The following EVC2 variants were observed in gnomAD, a reference collection of about 807,000 sequenced individuals.
EVC2 encodes limbin.
A neutral mutation model predicts 149.3 loss-of-function variants in EVC2; 148 were observed. That is an observed-to-expected ratio of 0.99 (90% CI 0.87 to 1.14). The LOEUF (loss-of-function observed/expected upper bound fraction) is 1.14, where lower values mean the gene tolerates loss of function less well. Ranked by LOEUF, EVC2 falls within the 50% of genes most tolerant of loss-of-function variation. The pLI is 0.00. For synonymous variants in EVC2, 776 were observed against 649.9 expected, an observed-to-expected ratio of 1.19 and a Z score of -2.95; for missense variants, 1,854 against 1,627.3, an observed-to-expected ratio of 1.14 and a Z score of -2.40.
chr4:5,576,273 T>C lies in EVC2; in HGVS notation c.3239A>G (p.Lys1080Arg). 1 of 1,614,176 alleles carries C rather than the reference T, an allele frequency of 6.2e-7. No homozygotes were observed. The highest frequency in any genetic ancestry group is 1.1e-5 in the South Asian group (1 of 91,088). Residue 1080 changes from lysine to arginine, a missense_variant, in exon 18 of 22, where the codon AAG (lysine) becomes AGG (arginine). Transcript: ENST00000344408. The surrounding 1 kb of genome is among the most constrained non-coding windows in gnomAD (Gnocchi z 4.5). ...VSTVLHQALS[K>R]SQTLLEQHQQ... ...ATGTTGCTCCAGTAATGTCTGGCTC[T>C]TGCTCAGGGCTTGGTGCAGGACAGT...
chr4:5,622,845 G>A lies in EVC2; in HGVS notation c.2193C>T (p.Ala731=), dbSNP rs143262952. 58 of 1,614,066 alleles carry A rather than the reference G, an allele frequency of 3.6e-5. No homozygotes were observed. The highest frequency in any genetic ancestry group is 2.0e-4 in the African/African-American group (15 of 75,008). The change falls in exon 14 of 22, where the codon GCC becomes GCT. Residue 731 remains alanine (A), a synonymous_variant. Coordinates refer to ENST00000344408, the MANE Select transcript of EVC2 (RefSeq NM_147127.5). This position sits in a 1 kb window ranked among gnomAD's most constrained non-coding sequence, Gnocchi z 5.8. ...TCAGGGTCCTGAGATCGTCCAGGGCGGCCTGGTCCAGACGCTCCTGCAGCT... is the reference window on the plus strand; with the variant it reads ...TCAGGGTCCTGAGATCGTCCAGGGCAGCCTGGTCCAGACGCTCCTGCAGCT... ...LEELQERLDQ[A]ALDDLRTLTL...
In EVC2 at chr4:5,562,827, C is replaced by G; in HGVS notation, c.*21G>C. 1 of 1,613,148 alleles carries G rather than the reference C, an allele frequency of 6.2e-7. No homozygotes were observed. Among genetic ancestry groups the G allele is most frequent in the Non-Finnish European group, 8.5e-7 (1 of 1,180,050 alleles). On this transcript the variant is annotated 3_prime_UTR_variant, in exon 22 of 22. Coordinates refer to ENST00000344408, the MANE Select transcript of EVC2 (RefSeq NM_147127.5). This position sits in a 1 kb window ranked among gnomAD's most constrained non-coding sequence, Gnocchi z 4.3. The stretch of plus-strand genomic sequence containing the variant: ...ATCATCCCTTCTCTCTTCAGATGCT[C>G]CCGCAGGTCTTTCCCTTGGGCTAGT...
intron 14 of EVC2, among the ~76,000 whole-genome samples, chr4:5,619,263 G>A (rs564834816): frequency 6.6e-6 from 1 of 152,128 alleles, no homozygotes; most frequent in African/African-American, 2.4e-5. Context: ...TGTGAATGTT[G>A]GTTTATTTGG....
At chr4:5,621,458 G>A (rs1472780485) in intron 14 of EVC2, among the ~76,000 whole-genome samples, 1 of 152,244 alleles carries the variant, frequency 6.6e-6, no homozygotes, top group Non-Finnish European at 1.5e-5. Flanking sequence ...ACAAACTTAA[G>A]TGGTGGTCCT....
chr4:5,697,717 G>A lies in EVC2; in HGVS notation c.229-70C>T, dbSNP rs376854751. The A allele has an allele frequency of 1.3e-5, 18 of 1,374,078 alleles. No individual in the cohort carries two copies. In the African/African-American group the frequency reaches 2.2e-4, roughly 17 times the overall value. 85.1% of individuals were successfully genotyped at this position (1,374,078 alleles called of 1,614,324 possible). On this transcript the variant is annotated intron_variant, in intron 1 of 21. Transcript: ENST00000344408. ...TGAGAAGTGATAATAAATAATCTTT[G>A]TAAATGACTCACATGGAGAGGACAT... is the stretch of plus-strand genomic sequence containing the variant.
intron 1 of EVC2, among the ~76,000 whole-genome samples, chr4:5,706,245 CT>C (rs1250589030): frequency 6.6e-6 from 1 of 151,468 alleles, no homozygotes; most frequent in Non-Finnish European, 1.5e-5. Context: ...AGGCATTGGT[CT>C]CCCAGCCCCC....
the EVC2 span, among the ~76,000 whole-genome samples, chr4:5,534,651 A>G: frequency 6.6e-6 from 1 of 152,132 alleles, no homozygotes; most frequent in Non-Finnish European, 1.5e-5. Context: ...AGAAACCTCA[A>G]ACATCTCACC....
At chr4:5,631,601 C>A (rs1716539998) in intron 11 of EVC2, among the ~76,000 whole-genome samples, 192 bp downstream of exon 11, 1 of 152,064 alleles carries the variant, frequency 6.6e-6, no homozygotes, top group South Asian at 2.1e-4. Context: ...TCCAGGTCAG[C>A]CCGAGTTCAA....
intron 17 of EVC2, among the ~76,000 whole-genome samples, chr4:5,580,672 A>G (rs1711678391): frequency 6.6e-6 from 1 of 152,212 alleles, no homozygotes; most frequent in Admixed American, 6.5e-5. Context: ...ATCCGCCTCC[A>G]CGCTAATCAC....
intron 4 of EVC2, among the ~76,000 whole-genome samples, chr4:5,689,649 G>T (rs2151732255): frequency 6.6e-6 from 1 of 152,316 alleles, no homozygotes; most frequent in East Asian, 1.9e-4. Context: ...AGTCAGGTTG[G>T]GGAAATTGTG....
At position 5,580,845 on chromosome 4, in the gene EVC2, C is replaced by T. The variant is rs1031827199; in HGVS notation, c.3057+3778G>A. Among the ~76,000 whole-genome samples the T allele has an allele frequency of 3.4e-5, 3 of 88,376 alleles. No homozygotes were observed. The Admixed American group carries it at 3.6e-4, about 11-fold the overall frequency. 58.0% of individuals were successfully genotyped at this position (88,376 alleles called of 152,430 possible). On this transcript the variant is annotated intron_variant, in intron 17 of 21. Coordinates refer to ENST00000344408, the MANE Select transcript of EVC2 (RefSeq NM_147127.5). ...TCCCCAGTGTTGGAGGTGAGGCCTG[C>T]TGGAAGGTGACTGGATCATGGGGGT...
At chr4:5,550,093 G>A (rs1320660718) in intron 21 of EVC2, among the ~76,000 whole-genome samples, 8 of 152,174 alleles carry the variant, frequency 5.3e-5, no homozygotes, top group Admixed American at 2.6e-4. Flanking sequence ...AGTCTCGGAT[G>A]TGTCTTTATT....
chr4:5,579,807 C>T (rs1244538579), intron 17 of EVC2, among the ~76,000 whole-genome samples: 6 of 152,206 alleles, frequency 3.9e-5, no homozygotes, highest in African/African-American at 1.4e-4. Context: ...CACCACTGCA[C>T]ACCAGCCTGG....
chr4:5,663,012 G>A (rs1408307097), intron 9 of EVC2, 95 bp downstream of exon 9: 10 of 1,503,464 alleles, frequency 6.7e-6, no homozygotes, highest in Non-Finnish European at 9.2e-6. Context: ...ATGATTAACT[G>A]AATGAATGAA....
chr4:5,556,770 C>A (rs1721847268), intron 21 of EVC2, among the ~76,000 whole-genome samples: 1 of 152,086 alleles, frequency 6.6e-6, no homozygotes. Context: ...ATCCCATGGA[C>A]AGTAAAAGCA....
chr4:5,662,648 A>G (rs914254901), intron 9 of EVC2, among the ~76,000 whole-genome samples: 2 of 145,740 alleles, frequency 1.4e-5, no homozygotes, highest in Non-Finnish European at 3.0e-5. Context: ...TAATATATTA[A>G]TTATATTTAT....
chr4:5,634,505 A>G (rs1025453312), intron 10 of EVC2, among the ~76,000 whole-genome samples: 1 of 152,330 alleles, frequency 6.6e-6, no homozygotes, highest in Admixed American at 6.5e-5. Context: ...AGCTTCTCAC[A>G]GGCAAGATAA....
rs115614394 is a variant in EVC2, at chr4:5,666,049, C to T, written c.871-400G>A. Among the ~76,000 whole-genome samples, 842 of 152,234 alleles carry T rather than the reference C, an allele frequency of 5.5e-3. 16 individuals carry two copies. The highest frequency in any genetic ancestry group is 0.019 in the African/African-American group (795 of 41,550). On this transcript the variant is annotated intron_variant, in intron 7 of 21. Coordinates refer to ENST00000344408, the MANE Select transcript of EVC2 (RefSeq NM_147127.5). The stretch of plus-strand genomic sequence containing the variant: ...CAGAGGCCAGAGGAAGAACCCATGG[C>T]ACCCTCACCTTCCCGCTACCCTCTA...
intron 1 of EVC2, among the ~76,000 whole-genome samples, chr4:5,706,405 G>GATACAT (rs1172750792): frequency 8.8e-5 from 4 of 45,346 alleles, no homozygotes; most frequent in African/African-American, 7.0e-4. Context: ...TAGATAGATA[G>GATACAT]ATAGATACAT....
Sources: gnomAD v4.1 joint callset for allele counts (sites outside exome capture counted in the v4.1 genomes callset) on GRCh38, gnomAD v4.1.1 for gene constraint, Gnocchi (gnomAD v3.1) non-coding constraint, MANE v1.5 for transcripts, NCBI Gene and HGNC (gene_info 2026-07-23, HGNC 2026-07-21) for gene names.